Variants in MCM10 observed in about 807,000 individuals in gnomAD.
MCM10 encodes protein MCM10 homolog.
Under a neutral mutation model 109.9 loss-of-function variants are expected in MCM10, and 91 were observed. The ratio of observed to expected loss-of-function variants is 0.83; its 90% CI spans 0.70 to 0.99. The LOEUF (loss-of-function observed/expected upper bound fraction) is 0.99. Ranked by LOEUF, MCM10 falls within the 50% of genes least tolerant of loss-of-function variation. The probability of loss-of-function intolerance (pLI) is 0.00; values close to 1 mark genes in which losing one functional copy is unlikely to be tolerated. For synonymous variants in MCM10, 380 were observed against 387.2 expected, an observed-to-expected ratio of 0.98 and a Z score of 0.22; for missense variants, 1,077 against 1,061.2, an observed-to-expected ratio of 1.01 and a Z score of -0.21.
Position 13,186,164 on chromosome 10 carries a change from G to A in MCM10, c.1099G>A (p.Val367Met), listed in dbSNP as rs368410800. ...PMKPKDGSEEVCLSIDHPQKV... is the reference protein window; with the variant it reads ...PMKPKDGSEEMCLSIDHPQKV... The stretch of plus-strand genomic sequence containing the variant: ...ACTCCTGCCCCACCTTTTCTTACAG[G>A]TGTGTTTATCTATCGATCATCCTCA... The change falls in exon 9 of 20, where the codon GTG (valine) becomes ATG (methionine). Residue 367 changes from valine (V) to methionine (M), a missense_variant and splice_region_variant. Transcript: ENST00000378714. 3.2e-6 allele frequency: 5 copies of A among 1,578,962 alleles called. No individual in the cohort carries two copies. The African/African-American group carries it at 5.4e-5, about 17-fold the overall frequency.
chr10:13,209,157 T>C, intron 19 of MCM10, 24 bp downstream of exon 19: 2 of 1,609,616 alleles, frequency 1.2e-6, no homozygotes, highest in Non-Finnish European at 1.7e-6. Context: ...GTACTAATTT[T>C]TGACTCCTTT....
In MCM10 at chr10:13,171,378, TA is replaced by T. The variant is rs935361798; in HGVS notation, c.349+122del. The T allele has an allele frequency of 5.8e-6, 6 of 1,027,642 alleles. No homozygotes were observed. The African/African-American group carries it at 6.5e-5, about 11-fold the overall frequency. 63.7% of individuals were successfully genotyped at this position (1,027,642 alleles called of 1,614,324 possible). A position where few individuals can be genotyped will look rare whatever the true frequency, so the allele number is the denominator to read the frequency against. ...TCAAGGGTAGAGATAAATGACTTTG[TA>T]AAAAAAGAAAAAAAGAAAGAAAATT... On this transcript the variant is annotated intron_variant, in intron 3 of 19. Transcript: ENST00000378714.
chr10:13,185,884 C>T (rs1179194065), intron 8 of MCM10, among the ~76,000 whole-genome samples: 1 of 152,154 alleles, frequency 6.6e-6, no homozygotes. Context: ...CTTCAGCCCC[C>T]CAAGTAACTG....
chr10:13,181,365 G>A (rs1834206926), intron 7 of MCM10, among the ~76,000 whole-genome samples: 1 of 152,136 alleles, frequency 6.6e-6, no homozygotes, highest in African/African-American at 2.4e-5. Flanking sequence ...AGCTGACATG[G>A]GGTTGAATTT....
chr10:13,191,937 G>A (rs1834353124), intron 11 of MCM10, among the ~76,000 whole-genome samples: 2 of 152,126 alleles, frequency 1.3e-5, no homozygotes, highest in Non-Finnish European at 2.9e-5. Context: ...CTTGATCAGA[G>A]AATGCAGCCC....
rs1158027716 is a variant in MCM10, at chr10:13,201,489, G to T, written c.2307G>T (p.Met769Ile). 3.1e-6 allele frequency: 5 copies of T among 1,612,926 alleles called. No individual in the cohort carries two copies. The highest frequency in any genetic ancestry group is 1.7e-5 in the Admixed American group (1 of 59,884). ...LVKKEQMEEK[M>I]RNIREVKCRV... ...AAAAAGAACAAATGGAAGAAAAGAT[G>T]AGAAACATCAGAGAAGTGAAGTGCC... Residue 769 changes from methionine (M) to isoleucine (I), a missense_variant, in exon 17 of 20, where the codon ATG (methionine) becomes ATT (isoleucine). Transcript: ENST00000378714.
intron 9 of MCM10, among the ~76,000 whole-genome samples, chr10:13,186,792 G>T (rs1834280109): frequency 6.6e-6 from 1 of 152,132 alleles, no homozygotes; most frequent in African/African-American, 2.4e-5. Context: ...AGGAGTTTGA[G>T]ACTAGCCTGG....
chr10:13,209,146 C>T lies in MCM10; in HGVS notation c.2541+13C>T, dbSNP rs887032744. On this transcript the variant is annotated intron_variant, in intron 19 of 19. Transcript: ENST00000378714. ...CGGAATGCTAAAGGTATGCCATTTG[C>T]GTACTAATTTTTGACTCCTTTTAGT... The T allele has an allele frequency of 3.7e-6, 6 of 1,609,462 alleles. No individual in the cohort carries two copies. Among genetic ancestry groups the T allele is most frequent in the Admixed American group, 1.7e-5 (1 of 60,004 alleles).
chr10:13,185,042 G>A (rs1208879337), intron 8 of MCM10, among the ~76,000 whole-genome samples: 1 of 152,170 alleles, frequency 6.6e-6, no homozygotes, highest in African/African-American at 2.4e-5. Context: ...GCCTACAGGA[G>A]TATGCATCCG....
In MCM10 at chr10:13,204,428, G is replaced by A. The variant is rs1834542596; in HGVS notation, c.2498+64G>A. On this transcript the variant is annotated intron_variant, in intron 18 of 19. Transcript: ENST00000378714. Reference sequence around the variant, plus strand: ...ATTTTCATCTCTTTTTCCAGAGTCTGTGATTCTGTTCCCTTGGAACGTTGG... The same window carrying A: ...ATTTTCATCTCTTTTTCCAGAGTCTATGATTCTGTTCCCTTGGAACGTTGG... 6 of 1,581,194 alleles carry A rather than the reference G, an allele frequency of 3.8e-6. No individual in the cohort carries two copies. The Admixed American group carries it at 6.8e-5, about 18-fold the overall frequency.
chr10:13,172,712 C>G lies in MCM10; in HGVS notation c.539C>G (p.Pro180Arg). The G allele has an allele frequency of 6.2e-7, 1 of 1,614,134 alleles. No homozygotes were observed. Among genetic ancestry groups the G allele is most frequent in the Non-Finnish European group, 8.5e-7 (1 of 1,180,010 alleles). Residue 180 changes from proline to arginine, a missense_variant, in exon 5 of 20, where the codon CCT becomes CGT. Physicochemically the swap from Pro to Arg is moderately radical, Grantham distance 103. Transcript: ENST00000378714. This position sits in a 1 kb window ranked among gnomAD's most constrained non-coding sequence, Gnocchi z 5.2. ...TGCTTTTCTGCGGAGCTTGATGTCC[C>G]TGCGCTACCAAGAACCAAGAGGGTG... ...STCFSAELDV[P>R]ALPRTKRVAR... is the part of the protein sequence containing the mutation.
At chr10:13,192,844 G>A (rs1048752820) in intron 13 of MCM10, among the ~76,000 whole-genome samples, 4 of 152,054 alleles carry the variant, frequency 2.6e-5, no homozygotes, top group Non-Finnish European at 5.9e-5. Flanking sequence ...TTTGTGAAGG[G>A]GGAGAGCGTA....
At chr10:13,192,753 A>T (rs567572637) in intron 13 of MCM10, among the ~76,000 whole-genome samples, 185 bp downstream of exon 13, 1 of 146,476 alleles carries the variant, frequency 6.8e-6, no homozygotes, top group Non-Finnish European at 1.5e-5. Flanking sequence ...TACACTGGTG[A>T]CTCCCAACAC....
intron 17 of MCM10, among the ~76,000 whole-genome samples, chr10:13,202,214 C>T (rs114997872): frequency 0.011 from 1,623 of 152,028 alleles, 32 homozygotes; most frequent in African/African-American, 0.037. Flanking sequence ...AAAAATTAGC[C>T]GGTGTGGTGG....
rs373552949 is a variant in MCM10 at position 13,195,099 on chromosome 10, C to T, written c.1804C>T (p.Pro602Ser). The change falls in exon 14 of 20, where the codon CCC becomes TCC. Residue 602 changes from proline to serine, a missense_variant. Transcript: ENST00000378714. ...AGCTGTGCCATCTTCATCAAGACAG[C>T]CCCCTGCTCAGCCTCCACGGACAGG... ...SPAVPSSSRQ[P>S]PAQPPRTGSE... is the part of the protein sequence containing the mutation. The T allele has an allele frequency of 1.2e-6, 2 of 1,614,160 alleles. No homozygotes were observed. The highest frequency in any genetic ancestry group is 1.7e-5 in the Admixed American group (1 of 60,028).
In MCM10 at chr10:13,197,622, G is replaced by A; in HGVS notation, c.1975-1G>A. 1 of 1,608,246 alleles carries A rather than the reference G, an allele frequency of 6.2e-7. No individual in the cohort carries two copies. The highest frequency in any genetic ancestry group is 2.2e-5 in the East Asian group (1 of 44,780). On this transcript the variant is annotated splice_acceptor_variant, in intron 14 of 19. Coordinates refer to ENST00000378714, the MANE Select transcript of MCM10 (RefSeq NM_018518.5). LOFTEE classifies it high-confidence loss of function. ...CCTCCCTCTCATTCCCTTTTTTCTAGTTAGCTGCTATCACCAAATTAAGGG... is the reference window on the plus strand; with the variant it reads ...CCTCCCTCTCATTCCCTTTTTTCTAATTAGCTGCTATCACCAAATTAAGGG...
rs1421519745 is a variant in MCM10, at chr10:13,172,142, G to T, written c.350-234G>T. Reference sequence around the variant, plus strand: ...TTATTTGATATCTCTTAATAGTAAAGATTTATAACTAGTTTGATTATTGGG... The same window carrying T: ...TTATTTGATATCTCTTAATAGTAAATATTTATAACTAGTTTGATTATTGGG... On this transcript the variant is annotated intron_variant, in intron 3 of 19. Coordinates refer to ENST00000378714, the MANE Select transcript of MCM10 (RefSeq NM_018518.5). This position sits in a 1 kb window ranked among gnomAD's most constrained non-coding sequence, Gnocchi z 5.2. 2.6e-5 allele frequency among the ~76,000 whole-genome samples: 4 copies of T among 152,020 alleles called. No individual in the cohort carries two copies. The highest frequency in any genetic ancestry group is 2.6e-4 in the Admixed American group (4 of 15,260).
chr10:13,204,196 G>C, intron 17 of MCM10, 23 bp from the exon 18 acceptor site: 1 of 1,607,126 alleles, frequency 6.2e-7, no homozygotes, highest in Non-Finnish European at 8.5e-7. Flanking sequence ...CCGGCGGTGT[G>C]GGTTTTTTGT....
At chr10:13,165,656 C>T (rs1414141015) in intron 2 of MCM10, among the ~76,000 whole-genome samples, 2 of 152,004 alleles carry the variant, frequency 1.3e-5, no homozygotes, top group East Asian at 1.9e-4. Context: ...GGGTGGATCA[C>T]CTGAGGTCAG....
Sources: allele counts gnomAD v4.1 joint callset (sites outside exome capture counted in the v4.1 genomes callset), GRCh38; gene constraint gnomAD v4.1.1; non-coding constraint Gnocchi (gnomAD v3.1); transcripts MANE v1.5; gene names NCBI Gene and HGNC (gene_info 2026-07-23, HGNC 2026-07-21).